Variants in ZNF750 observed in about 807,000 individuals in gnomAD.
ZNF750 encodes protein ZNF750.
A neutral mutation model predicts 31.6 loss-of-function variants in ZNF750; 10 were observed. That is an observed-to-expected ratio of 0.32 (90% CI 0.19 to 0.54). The LOEUF (loss-of-function observed/expected upper bound fraction) is 0.54. Ranked by LOEUF, ZNF750 falls within the 20% of genes least tolerant of loss-of-function variation. ZNF750 has a pLI of 0.95. For synonymous variants in ZNF750, 400 were observed against 404.9 expected (o/e 0.99, Z 0.15); for missense variants, 914 against 934.9 (o/e 0.98, Z 0.29).
intron 1 of ZNF750, chr17:82,838,783 A>AG (rs1295732487): frequency 1.3e-5 from 13 of 985,336 alleles, no homozygotes; most frequent in Non-Finnish European, 1.6e-5. Flanking sequence ...AAAAACAACC[A>AG]GGGGCTCTTA....
chr17:82,839,480 CAT>C (rs930011052), intron 1 of ZNF750, among the ~76,000 whole-genome samples: 18 of 151,816 alleles, frequency 1.2e-4, no homozygotes, highest in Non-Finnish European at 2.5e-4. Context: ...ATACACCACA[CAT>C]ATATATAACC....
chr17:82,838,122 G>A (rs115059902), intron 1 of ZNF750, among the ~76,000 whole-genome samples: 1,554 of 152,334 alleles, frequency 0.01, 24 homozygotes, highest in African/African-American at 0.036. Context: ...GTGTTGGGGC[G>A]TAGCTGCCCA....
At chr17:82,834,894 A>G (rs2145331343) in intron 1 of ZNF750, among the ~76,000 whole-genome samples, 1 of 152,182 alleles carries the variant, frequency 6.6e-6, no homozygotes, top group Middle Eastern at 3.4e-3. Flanking sequence ...AAAAAAATAC[A>G]TTAAAGTAAA....
At chr17:82,836,722 C>T (rs2054015503) in intron 1 of ZNF750, among the ~76,000 whole-genome samples, 1 of 150,346 alleles carries the variant, frequency 6.7e-6, no homozygotes, top group African/African-American at 2.5e-5. Flanking sequence ...AACCAAAAAA[C>T]AAAAAAACAA....
chr17:82,837,197 G>GTTC (rs1232619432), intron 1 of ZNF750, among the ~76,000 whole-genome samples: 11 of 152,322 alleles, frequency 7.2e-5, no homozygotes, highest in Admixed American at 2.0e-4. Context: ...CAGCCTGTGA[G>GTTC]TTCTGTGTCC....
intron 1 of ZNF750, chr17:82,838,869 C>A (rs2054213885): frequency 2.0e-6 from 2 of 985,428 alleles, no homozygotes; most frequent in Non-Finnish European, 2.4e-6. Context: ...ACAGTCGCCG[C>A]CTCATCCTGA....
In ZNF750 at chr17:82,830,554, G is replaced by A. The variant is rs1259520720; in HGVS notation, c.1760C>T (p.Thr587Ile). ...GCTGGGCCCATCCTCAGAACCTTCT[G>A]TCCCAGTCTTCTGTGGAACAGCAGC... ...PAAAVPQKTG[T>I]EGSEDGPSHP... is the part of the protein sequence containing the mutation. Residue 587 changes from threonine to isoleucine, a missense_variant, in exon 3 of 3, where the codon ACA becomes ATA. Coordinates refer to ENST00000269394, the MANE Select transcript of ZNF750 (RefSeq NM_024702.3). The A allele has an allele frequency of 6.2e-7, 1 of 1,614,084 alleles. No individual in the cohort carries two copies. Among genetic ancestry groups the A allele is most frequent in the South Asian group, 1.1e-5 (1 of 91,084 alleles).
rs1027990090 is a variant in ZNF750, at chr17:82,830,603, G to C, written c.1711C>G (p.Arg571Gly). Residue 571 changes from arginine (R) to glycine (G), a missense_variant, in exon 3 of 3, where the codon CGA becomes GGA. This residue lies in a region of ZNF750 where 880 missense variants were observed against 868.9 expected (regional missense o/e 1.01). Coordinates refer to ENST00000269394, the MANE Select transcript of ZNF750 (RefSeq NM_024702.3). ...GCAGCAGGTTCTGCAGCTCGTGGTC[G>C]ACCGGGGAAGGCAGGCCTCGGAGCC... ...TQAPRPAFPG[R>G]PRAAEPAAAV... is the part of the protein sequence containing the mutation. 2.5e-6 allele frequency: 4 copies of C among 1,613,902 alleles called. No homozygotes were observed. In the African/African-American group the frequency reaches 5.3e-5, roughly 22 times the overall value.
chr17:82,835,416 T>C lies in ZNF750; in HGVS notation c.-182-2780A>G, dbSNP rs1262399970. On this transcript the variant is annotated intron_variant, in intron 1 of 2. Transcript: ENST00000269394. The surrounding 1 kb of genome is among the most constrained non-coding windows in gnomAD (Gnocchi z 4.5). The stretch of plus-strand genomic sequence containing the variant: ...ACTGGTTTCTCTACTGATTTATTCA[T>C]ATTTCTTTCTTTCTTTCTTTTTTGA... Among the ~76,000 whole-genome samples the C allele has an allele frequency of 6.7e-6, 1 of 149,174 alleles. No individual in the cohort carries two copies. The highest frequency in any genetic ancestry group is 1.5e-5 in the Non-Finnish European group (1 of 66,512).
In ZNF750 at chr17:82,830,007, G is replaced by T; in HGVS notation, c.*135C>A. The T allele has an allele frequency of 4.3e-6, 6 of 1,390,934 alleles. No individual in the cohort carries two copies. In the Admixed American group the frequency reaches 6.4e-5, roughly 15 times the overall value. 86.2% of individuals were successfully genotyped at this position (1,390,934 alleles called of 1,614,324 possible). A position where few individuals can be genotyped will look rare whatever the true frequency, so the allele number is the denominator to read the frequency against. The stretch of plus-strand genomic sequence containing the variant: ...GAATTGGAGGGTTTTTTGTTTGTTT[G>T]TTTGTTTGTTTTTTTGAGAAGCAGC... On this transcript the variant is annotated 3_prime_UTR_variant, in exon 3 of 3. Coordinates refer to ENST00000269394, the MANE Select transcript of ZNF750 (RefSeq NM_024702.3).
In ZNF750 at chr17:82,833,216, G is replaced by A. The variant is rs948024526; in HGVS notation, c.-182-580C>T. Among the ~76,000 whole-genome samples the A allele has an allele frequency of 9.9e-5, 15 of 152,034 alleles. No individual in the cohort carries two copies. The highest frequency in any genetic ancestry group is 1.8e-4 in the Non-Finnish European group (12 of 68,006). ...TTACACAGAGCGTGGGCTGGCCACC[G>A]TCTACTTGCTCCTACCTGCTGGCTG... On this transcript the variant is annotated intron_variant, in intron 1 of 2. Coordinates refer to ENST00000269394, the MANE Select transcript of ZNF750 (RefSeq NM_024702.3). The surrounding 1 kb of genome is among the most constrained non-coding windows in gnomAD (Gnocchi z 4.7).
chr17:82,830,766 G>A lies in ZNF750; in HGVS notation c.1548C>T (p.Leu516=), dbSNP rs2053427726. 1.9e-6 allele frequency: 3 copies of A among 1,613,898 alleles called. No individual in the cohort carries two copies. ...DDSSGMGPLN[L]SKKSEINLAA... The stretch of plus-strand genomic sequence containing the variant: ...CCAGGTTTATCTCTGATTTCTTGGA[G>A]AGGTTGAGGGGGCCCATCCCGGAGC... Residue 516 remains leucine, a synonymous_variant, in exon 3 of 3, where the codon CTC becomes CTT. Coordinates refer to ENST00000269394, the MANE Select transcript of ZNF750 (RefSeq NM_024702.3).
chr17:82,837,935 A>G (rs1044488762), intron 1 of ZNF750, among the ~76,000 whole-genome samples: 3 of 152,242 alleles, frequency 2.0e-5, no homozygotes, highest in Non-Finnish European at 4.4e-5. Flanking sequence ...AGTGGCTTCA[A>G]ACATGCTCAG....
In ZNF750 at chr17:82,830,098, G is replaced by A. The variant is rs1299975280; in HGVS notation, c.*44C>T. 4 of 1,611,240 alleles carry A rather than the reference G, an allele frequency of 2.5e-6. No homozygotes were observed. Among genetic ancestry groups the A allele is most frequent in the East Asian group, 2.2e-5 (1 of 44,850 alleles). On this transcript the variant is annotated 3_prime_UTR_variant, in exon 3 of 3. Coordinates refer to ENST00000269394, the MANE Select transcript of ZNF750 (RefSeq NM_024702.3). ...GTTGTAGCTTGCCACCTTGGAAGGC[G>A]TGTGTGTGGCCGTAGCTCTGTGAAC...
Position 82,830,677 on chromosome 17 carries a change from A to C in ZNF750, c.1637T>G (p.Leu546Arg), listed in dbSNP as rs771342496. 8 of 1,613,946 alleles carry C rather than the reference A, an allele frequency of 5.0e-6. No homozygotes were observed. The highest frequency in any genetic ancestry group is 6.8e-6 in the Non-Finnish European group (8 of 1,180,012). Residue 546 changes from leucine to arginine, a missense_variant, in exon 3 of 3, where the codon CTG (leucine) becomes CGG (arginine). Around this residue, in one of 2 missense-constraint regions of ZNF750, gnomAD observed 880 missense variants for 868.9 expected, o/e 1.01. Coordinates refer to ENST00000269394, the MANE Select transcript of ZNF750 (RefSeq NM_024702.3). ...CGAGAGATTGAGTGGAAGGTCCTGC[A>C]GCTCTGAGAAGCTGGCGGTTTCCGC... ...PQAETASFSE[L>R]QDLPLNLSVK...
In ZNF750 at chr17:82,831,096, T is replaced by TG. The variant is rs2053465753; in HGVS notation, c.1358dup (p.Ala454SerfsTer6). 6.2e-7 allele frequency: 1 copy of TG among 1,614,064 alleles called. No individual in the cohort carries two copies. ...TGCTTTTCTTAACAGGCCTGAAGGC[T>TG]GTGAGGCTTTGCTCTGGCGGGTAGA... is the stretch of plus-strand genomic sequence containing the variant. On this transcript the variant is annotated frameshift_variant, in exon 2 of 3. Transcript: ENST00000269394. LOFTEE classifies it high-confidence loss of function. The surrounding 1 kb of genome is among the most constrained non-coding windows in gnomAD (Gnocchi z 4.6).
At chr17:82,837,026 C>T (rs993471067) in intron 1 of ZNF750, among the ~76,000 whole-genome samples, 17 of 152,114 alleles carry the variant, frequency 1.1e-4, no homozygotes, top group Non-Finnish European at 2.5e-4. Context: ...TTGGATAAAC[C>T]GACCTCTCAG....
At position 82,832,877 on chromosome 17, in the gene ZNF750, G is replaced by T. The variant is rs983741473; in HGVS notation, c.-182-241C>A. ...GAGTCTGATCTGAAAGAGTCACCTC[G>T]GGGCCTAGAGGTGGAGTGTGGTGTG... On this transcript the variant is annotated intron_variant, in intron 1 of 2. Coordinates refer to ENST00000269394, the MANE Select transcript of ZNF750 (RefSeq NM_024702.3). The surrounding 1 kb of genome is among the most constrained non-coding windows in gnomAD (Gnocchi z 4.9). 1.3e-5 allele frequency among the ~76,000 whole-genome samples: 2 copies of T among 152,210 alleles called. No homozygotes were observed. The highest frequency in any genetic ancestry group is 6.5e-5 in the Admixed American group (1 of 15,286).
At position 82,830,698 on chromosome 17, in the gene ZNF750, T is replaced by A. The variant is rs763169524; in HGVS notation, c.1616A>T (p.Glu539Val). 3.7e-6 allele frequency: 6 copies of A among 1,614,046 alleles called. No individual in the cohort carries two copies. Among genetic ancestry groups the A allele is most frequent in the Non-Finnish European group, 5.1e-6 (6 of 1,180,000 alleles). ...CTGCAGCTCTGAGAAGCTGGCGGTT[T>A]CCGCCTGGGGGCTGCCTTGGTACGT... ...EPTYQGSPQAETASFSELQDL... is the reference protein window; with the variant it reads ...EPTYQGSPQAVTASFSELQDL... Residue 539 changes from glutamate to valine, a missense_variant, in exon 3 of 3, where the codon GAA (glutamate) becomes GTA (valine). Physicochemically the swap from Glu to Val is moderately radical, Grantham distance 121. Coordinates refer to ENST00000269394, the MANE Select transcript of ZNF750 (RefSeq NM_024702.3).
Sources: gnomAD v4.1 joint callset for allele counts (sites outside exome capture counted in the v4.1 genomes callset) on GRCh38, gnomAD v4.1.1 for gene constraint, gnomAD v4.1.1 regional missense constraint, Gnocchi (gnomAD v3.1) non-coding constraint, MANE v1.5 for transcripts, NCBI Gene and HGNC (gene_info 2026-07-23, HGNC 2026-07-21) for gene names.